Variants in DLG1 observed in about 807,000 individuals in gnomAD.
DLG1 encodes disks large homolog 1.
In DLG1, 42 loss-of-function variants were observed where a neutral mutation model predicts 123.4. The ratio of observed to expected loss-of-function variants is 0.34; its 90% CI spans 0.27 to 0.44. The LOEUF (loss-of-function observed/expected upper bound fraction) is 0.44, where lower values mean the gene tolerates loss of function less well. Among genes scored for constraint, DLG1 ranks in the 20% least tolerant of loss-of-function variants. DLG1 has a pLI of 1.00. For missense variants in DLG1, 942 were observed against 1,082.6 expected (o/e 0.87, Z 1.82); for synonymous variants, 317 against 356.2 (o/e 0.89, Z 1.24).
chr3:197,043,195 G>C lies in DLG1; in HGVS notation c.*1428C>G, dbSNP rs568934701. On this transcript the variant is annotated 3_prime_UTR_variant, in exon 25 of 25. Coordinates refer to ENST00000667157, the MANE Select transcript of DLG1 (RefSeq NM_001366207.1). ...CACCATGAAGATTTGTGCAATTCTA[G>C]TGCAGAGCAGTGGATGAAAGCTGTC... The C allele has an allele frequency of 2.6e-5, 4 of 152,232 alleles. No homozygotes were observed. In the South Asian group the frequency reaches 8.3e-4, roughly 32 times the overall value. The allele number at this position is 152,232 out of a possible 1,614,324, so 9.4% of individuals were successfully genotyped here. A position where few individuals can be genotyped will look rare whatever the true frequency, so the allele number is the denominator to read the frequency against.
At chr3:197,174,051 C>G (rs1255234242) in intron 5 of DLG1, among the ~76,000 whole-genome samples, 2 of 152,160 alleles carry the variant, frequency 1.3e-5, no homozygotes, top group Admixed American at 1.3e-4. Flanking sequence ...CCACTGCACT[C>G]CAGCCTGGGC....
At chr3:197,168,431 A>G (rs1005230121) in intron 5 of DLG1, among the ~76,000 whole-genome samples, 2 of 152,248 alleles carry the variant, frequency 1.3e-5, no homozygotes, top group Non-Finnish European at 2.9e-5. Context: ...CTCTAAACAA[A>G]TAATAATCAA....
At chr3:197,150,203 A>G (rs545331858) in intron 5 of DLG1, among the ~76,000 whole-genome samples, 1 of 152,210 alleles carries the variant, frequency 6.6e-6, no homozygotes, top group South Asian at 2.1e-4. Flanking sequence ...TCTTCCCCAC[A>G]GTGAACTGTT....
chr3:197,297,587 CCT>C (rs1488799006), intron 1 of DLG1: 4 of 1,025,706 alleles, frequency 3.9e-6, no homozygotes, highest in Non-Finnish European at 4.7e-6. Context: ...ACCCTTGGCC[CCT>C]GAGCCAGCAG....
At chr3:197,254,231 G>T (rs1451316214) in intron 4 of DLG1, among the ~76,000 whole-genome samples, 1 of 152,190 alleles carries the variant, frequency 6.6e-6, no homozygotes, top group African/African-American at 2.4e-5. Context: ...AGTGTAGCAG[G>T]CTGAGAATGG....
Position 197,119,522 on chromosome 3 carries a change from G to T in DLG1, c.1174C>A (p.Gln392Lys). The change falls in exon 12 of 25, where the codon CAG becomes AAG. Residue 392 changes from glutamine (Q) to lysine (K), a missense_variant. Gln to Lys is a moderately conservative substitution (Grantham distance 53). Coordinates refer to ENST00000667157, the MANE Select transcript of DLG1 (RefSeq NM_001366207.1). ...APPDITNSSS[Q>K]PVDNHVSPSS... ...GGGCTAACATGGTTATCAACAGGCT[G>T]AGAAGAAGCTTCAAAATAAACAAAG... 6.2e-7 allele frequency: 1 copy of T among 1,606,556 alleles called. No individual in the cohort carries two copies. The highest frequency in any genetic ancestry group is 1.1e-5 in the South Asian group (1 of 90,194).
At chr3:197,201,764 A>G (rs1163111363) in intron 4 of DLG1, among the ~76,000 whole-genome samples, 1 of 152,140 alleles carries the variant, frequency 6.6e-6, no homozygotes, top group Non-Finnish European at 1.5e-5. Context: ...CTGGAAGTTC[A>G]ATGTAATACT....
chr3:197,295,428 A>C (rs1016749967), intron 3 of DLG1, among the ~76,000 whole-genome samples: 2 of 152,138 alleles, frequency 1.3e-5, no homozygotes, highest in Non-Finnish European at 2.9e-5. Context: ...TAAATGTAAT[A>C]TAATTAAGTA....
intron 4 of DLG1, among the ~76,000 whole-genome samples, chr3:197,275,711 G>A (rs1056922003): frequency 3.3e-5 from 5 of 152,180 alleles, no homozygotes; most frequent in Non-Finnish European, 5.9e-5. Flanking sequence ...GAGTTGGAGA[G>A]TAGAATGGTA....
At chr3:197,053,176 C>T (rs1729150416) in intron 23 of DLG1, among the ~76,000 whole-genome samples, 1 of 152,086 alleles carries the variant, frequency 6.6e-6, no homozygotes, top group African/African-American at 2.4e-5. Context: ...GAGTTCGTTC[C>T]CAACTTAAAG....
intron 4 of DLG1, among the ~76,000 whole-genome samples, chr3:197,199,731 A>G (rs1724624506): frequency 6.6e-6 from 1 of 152,174 alleles, no homozygotes; most frequent in South Asian, 2.1e-4. Context: ...GGTTTATCTC[A>G]GCCTATTTCC....
chr3:197,189,669 A>C (rs1718193409), intron 5 of DLG1, among the ~76,000 whole-genome samples: 1 of 152,242 alleles, frequency 6.6e-6, no homozygotes, highest in Non-Finnish European at 1.5e-5. Context: ...TGAACAAGGC[A>C]GAGCAAGAGA....
At chr3:197,193,774 T>C (rs955962372) in intron 5 of DLG1, among the ~76,000 whole-genome samples, 3 of 151,834 alleles carry the variant, frequency 2.0e-5, no homozygotes, top group Non-Finnish European at 2.9e-5. Context: ...GGAGAGATGA[T>C]AGGATCAAGA....
At chr3:197,171,449 C>T (rs1804139314) in intron 5 of DLG1, among the ~76,000 whole-genome samples, 1 of 152,068 alleles carries the variant, frequency 6.6e-6, no homozygotes, top group African/African-American at 2.4e-5. Context: ...CACAAGCAAA[C>T]AATTATAAAA....
At chr3:197,112,064 A>G (rs1377436059) in intron 13 of DLG1, among the ~76,000 whole-genome samples, 1 of 152,198 alleles carries the variant, frequency 6.6e-6, no homozygotes, top group African/African-American at 2.4e-5. Flanking sequence ...CCTTCCCAAA[A>G]GTTCTTGTAG....
chr3:197,195,864 C>T (rs965203579), intron 4 of DLG1, among the ~76,000 whole-genome samples: 2 of 151,782 alleles, frequency 1.3e-5, no homozygotes, highest in Admixed American at 6.6e-5. Context: ...CATATGTACC[C>T]CCTGAACTTA....
At chr3:197,211,199 A>G (rs1301311334) in intron 4 of DLG1, among the ~76,000 whole-genome samples, 1 of 146,222 alleles carries the variant, frequency 6.8e-6, no homozygotes, top group African/African-American at 2.4e-5. Flanking sequence ...AAAACCCTAC[A>G]GCTAACAGAT....
In DLG1 at chr3:197,242,778, G is replaced by C. The variant is rs182965823; in HGVS notation, c.318+39901C>G. Among the ~76,000 whole-genome samples, 20 of 152,236 alleles carry C rather than the reference G, an allele frequency of 1.3e-4. No individual in the cohort carries two copies. In the East Asian group the frequency reaches 3.7e-3, roughly 28 times the overall value. ...TGGAATACAGCAAAAGCAGTATTAA[G>C]CAGGTTTATGGCAATAAACACCTGC... On this transcript the variant is annotated intron_variant, in intron 4 of 24. Coordinates refer to ENST00000667157, the MANE Select transcript of DLG1 (RefSeq NM_001366207.1).
At chr3:197,181,395 T>A (rs1295035314) in intron 5 of DLG1, among the ~76,000 whole-genome samples, 1 of 152,198 alleles carries the variant, frequency 6.6e-6, no homozygotes, top group East Asian at 1.9e-4. Flanking sequence ...TACAAAACAC[T>A]ATGACCTTAT....
Sources: gnomAD v4.1 joint callset for allele counts (sites outside exome capture counted in the v4.1 genomes callset) on GRCh38, gnomAD v4.1.1 for gene constraint, MANE v1.5 for transcripts, NCBI Gene and HGNC (gene_info 2026-07-23, HGNC 2026-07-21) for gene names.